TMEFF2: variants seen among roughly 807,000 people sequenced by gnomAD.
The protein encoded by TMEFF2 is tomoregulin-2.
Under a neutral mutation model 53.8 loss-of-function variants are expected in TMEFF2, and 28 were observed. The observed-to-expected ratio is 0.52, with a 90% CI of 0.39 to 0.71. The LOEUF (loss-of-function observed/expected upper bound fraction) is 0.71, where lower values mean the gene tolerates loss of function less well. Ranked by LOEUF, TMEFF2 falls within the 30% of genes least tolerant of loss-of-function variation. The pLI is 0.00. For synonymous variants in TMEFF2, 162 were observed against 166.3 expected, an observed-to-expected ratio of 0.97 and a Z score of 0.20; for missense variants, 353 against 455.2, an observed-to-expected ratio of 0.78 and a Z score of 2.04.
intron 7 of TMEFF2, among the ~76,000 whole-genome samples, chr2:191,996,260 T>C (rs961273374): frequency 1.3e-5 from 2 of 151,930 alleles, no homozygotes; most frequent in African/African-American, 4.8e-5. Flanking sequence ...ACTGATCAAC[T>C]TGAAGAGTTC....
At chr2:192,029,791 T>C (rs1011637756) in intron 5 of TMEFF2, among the ~76,000 whole-genome samples, 4 of 152,366 alleles carry the variant, frequency 2.6e-5, no homozygotes, top group African/African-American at 9.6e-5. Context: ...CCATTGCATG[T>C]TGAGATAGAT....
chr2:192,075,302 T>TATAA, intron 4 of TMEFF2, among the ~76,000 whole-genome samples: 1 of 38,092 alleles, frequency 2.6e-5, no homozygotes, highest in East Asian at 5.2e-4. Context: ...TATATATATA[T>TATAA]ATATATATAT....
chr2:192,159,932 G>A (rs1448137022), intron 4 of TMEFF2, among the ~76,000 whole-genome samples: 2 of 152,158 alleles, frequency 1.3e-5, no homozygotes, highest in African/African-American at 4.8e-5. Context: ...TGTGAGACAA[G>A]GGCTAATGAG....
chr2:192,127,868 C>G (rs1013625955), intron 4 of TMEFF2, among the ~76,000 whole-genome samples: 1 of 152,164 alleles, frequency 6.6e-6, no homozygotes, highest in Non-Finnish European at 1.5e-5. Flanking sequence ...TCAACTTACA[C>G]TATTACATTC....
Position 191,949,183 on chromosome 2 carries a change from T to C in TMEFF2, c.*1128A>G. 1.5e-5 allele frequency: 15 copies of C among 985,404 alleles called. No individual in the cohort carries two copies. Among genetic ancestry groups the C allele is most frequent in the Non-Finnish European group, 1.8e-5 (15 of 829,900 alleles). The allele number at this position is 985,404 out of a possible 1,614,324, so 61.0% of individuals were successfully genotyped here. ...CACAGCTTATTTTTTCCAGATCAAG[T>C]TGTGATACCTATTTGTATGCACAAA... On this transcript the variant is annotated 3_prime_UTR_variant, in exon 10 of 10. Transcript: ENST00000272771.
At chr2:191,993,287 T>C (rs1686149381) in intron 7 of TMEFF2, among the ~76,000 whole-genome samples, 1 of 152,082 alleles carries the variant, frequency 6.6e-6, no homozygotes, top group South Asian at 2.1e-4. Context: ...CTATTTCTGA[T>C]TTCTTTCTTC....
chr2:191,983,678 G>A (rs529588914), intron 7 of TMEFF2, among the ~76,000 whole-genome samples: 1 of 152,226 alleles, frequency 6.6e-6, no homozygotes, highest in Non-Finnish European at 1.5e-5. Flanking sequence ...CCTGGGCTCT[G>A]ACAAAAGTGA....
chr2:192,082,871 T>C (rs563694836), intron 4 of TMEFF2, among the ~76,000 whole-genome samples: 18 of 152,114 alleles, frequency 1.2e-4, no homozygotes, highest in South Asian at 6.2e-4. Context: ...GAGTAAAAGA[T>C]GTCAAAGTGC....
intron 5 of TMEFF2, among the ~76,000 whole-genome samples, chr2:192,020,207 T>A (rs962005902): frequency 6.6e-6 from 1 of 152,112 alleles, no homozygotes; most frequent in Non-Finnish European, 1.5e-5. Context: ...TTTGACAAAA[T>A]GAATGAACCA....
intron 4 of TMEFF2, among the ~76,000 whole-genome samples, chr2:192,118,494 T>G (rs1368263442): frequency 6.6e-6 from 1 of 152,220 alleles, no homozygotes; most frequent in Non-Finnish European, 1.5e-5. Context: ...TCTCCAGCTC[T>G]GAAGTGCCCT....
At chr2:192,053,967 A>G (rs1447389090) in intron 5 of TMEFF2, among the ~76,000 whole-genome samples, 1 of 152,200 alleles carries the variant, frequency 6.6e-6, no homozygotes, top group African/African-American at 2.4e-5. Flanking sequence ...TTGTCATTTC[A>G]GCACAATTCC....
chr2:192,172,946 C>CA (rs1410096063), intron 4 of TMEFF2, among the ~76,000 whole-genome samples: 1 of 151,740 alleles, frequency 6.6e-6, no homozygotes, highest in Middle Eastern at 3.2e-3. Context: ...ATAAAGTGCT[C>CA]ATTCTTTCTG....
At chr2:192,109,455 C>T (rs1057263965) in intron 4 of TMEFF2, among the ~76,000 whole-genome samples, 5 of 152,014 alleles carry the variant, frequency 3.3e-5, no homozygotes, top group Non-Finnish European at 1.5e-5. Flanking sequence ...GCATTTATTT[C>T]TAACCTCTTT....
intron 4 of TMEFF2, among the ~76,000 whole-genome samples, chr2:192,170,456 G>T (rs1392106454): frequency 6.6e-6 from 1 of 151,942 alleles, no homozygotes; most frequent in Non-Finnish European, 1.5e-5. Flanking sequence ...ATAGAAATGG[G>T]TTCCCTCTCC....
intron 4 of TMEFF2, among the ~76,000 whole-genome samples, chr2:192,156,640 C>T (rs1690512609): frequency 6.6e-6 from 1 of 152,016 alleles, no homozygotes; most frequent in Non-Finnish European, 1.5e-5. Flanking sequence ...ACAAATTTTA[C>T]ATATGCCAGA....
chr2:191,997,377 T>C (rs1262986445), intron 7 of TMEFF2, among the ~76,000 whole-genome samples: 2 of 151,818 alleles, frequency 1.3e-5, no homozygotes, highest in East Asian at 1.9e-4. Context: ...ACATTTATCC[T>C]GATGTTAAAG....
At chr2:192,192,075 C>T in intron 1 of TMEFF2, 86 bp from the exon 2 acceptor site, 1 of 917,724 alleles carries the variant, frequency 1.1e-6, no homozygotes, top group South Asian at 1.6e-5. Flanking sequence ...CTTTAAAATA[C>T]TTGTCCTAAA....
intron 5 of TMEFF2, among the ~76,000 whole-genome samples, chr2:192,000,985 A>G (rs1686344509): frequency 6.6e-6 from 1 of 152,178 alleles, no homozygotes; most frequent in Non-Finnish European, 1.5e-5. Context: ...TGAAAACCTG[A>G]GATCAGGAGC....
intron 7 of TMEFF2, among the ~76,000 whole-genome samples, chr2:191,990,693 C>T (rs1297818423): frequency 6.7e-6 from 1 of 149,288 alleles, no homozygotes; most frequent in Non-Finnish European, 1.5e-5. Flanking sequence ...TCTTCGTCTT[C>T]CATGCTAAAT....
Sources: allele counts gnomAD v4.1 joint callset (sites outside exome capture counted in the v4.1 genomes callset), GRCh38; gene constraint gnomAD v4.1.1; transcripts MANE v1.5; gene names NCBI Gene and HGNC (gene_info 2026-07-23, HGNC 2026-07-21).